The following SET variants were observed in gnomAD, a reference collection of about 807,000 sequenced individuals.
SET encodes the protein SET nuclear proto-oncogene, also known as protein SET.
In SET, 4 loss-of-function variants were observed where a neutral mutation model predicts 39.0. The ratio of observed to expected loss-of-function variants is 0.10; its 90% CI spans 0.05 to 0.23. The LOEUF (loss-of-function observed/expected upper bound fraction) is 0.23. Ranked by LOEUF, SET falls within the 10% of genes least tolerant of loss-of-function variation. SET has a pLI of 1.00. For missense variants in SET, 137 were observed against 329.7 expected (o/e 0.42, Z 4.53); for synonymous variants, 114 against 115.9 (o/e 0.98, Z 0.11).
At chr9:128,688,629 G>A (rs983747032), upstream of SET, among the ~76,000 whole-genome samples, 10 of 152,200 alleles carry the variant, frequency 6.6e-5, no homozygotes, top group Non-Finnish European at 1.2e-4. Context: ...AGAGAGGAAG[G>A]GTGACTTGCT....
In SET at chr9:128,694,120, A is replaced by ATG. The variant is rs1291368401; in HGVS notation, c.810+79_810+80insGT. On this transcript the variant is annotated intron_variant, in intron 7 of 7. Transcript: ENST00000322030. ...TATTTTGGGGTGTATATATATATATATAGTGTGGTAGAACTGACCAGAACT... is the reference window on the plus strand; with the variant it reads ...TATTTTGGGGTGTATATATATATATATGTAGTGTGGTAGAACTGACCAGAACT... 3.1e-6 allele frequency: 4 copies of ATG among 1,304,384 alleles called. No homozygotes were observed. In the East Asian group the frequency reaches 7.6e-5, roughly 25 times the overall value. The allele number at this position is 1,304,384 out of a possible 1,614,324, so 80.8% of individuals were successfully genotyped here.
At chr9:128,686,543 C>G (rs962238466), upstream of SET, among the ~76,000 whole-genome samples, 54 of 151,982 alleles carry the variant, frequency 3.6e-4, no homozygotes, top group African/African-American at 1.2e-3. Context: ...AGGAGCGGGT[C>G]GTGAAATCAA....
upstream of SET, among the ~76,000 whole-genome samples, chr9:128,685,885 G>A (rs1406751249): frequency 6.6e-6 from 1 of 152,204 alleles, no homozygotes; most frequent in African/African-American, 2.4e-5. Context: ...CAGTTAGCCA[G>A]GCGTGACGAT....
chr9:128,690,173 C>T (rs910330531), intron 1 of SET: 4 of 160,878 alleles, frequency 2.5e-5, no homozygotes, highest in Non-Finnish European at 5.2e-5. Context: ...GCGCGGGGAA[C>T]ACGCGGGCGG....
Position 128,689,601 on chromosome 9 carries a change from A to G in SET, c.19A>G (p.Lys7Glu). MSAPAA[K>E]VSKKELNSNH... ...CAGCACCATGTCGGCGCCGGCGGCC[A>G]AAGTCAGTAAAAAGGAGCTCAACTC... is the stretch of plus-strand genomic sequence containing the variant. The change falls in exon 1 of 8, where the codon AAA (lysine) becomes GAA (glutamate). Residue 7 changes from lysine to glutamate, a missense_variant. Coordinates refer to ENST00000322030, the MANE Select transcript of SET (RefSeq NM_003011.4). 7.4e-7 allele frequency: 1 copy of G among 1,359,790 alleles called. No homozygotes were observed. The highest frequency in any genetic ancestry group is 9.6e-7 in the Non-Finnish European group (1 of 1,037,626). 84.2% of individuals were successfully genotyped at this position (1,359,790 alleles called of 1,614,324 possible).
chr9:128,686,140 C>T (rs78727050), upstream of SET, among the ~76,000 whole-genome samples: 6,628 of 152,066 alleles, frequency 0.044, 239 homozygotes, highest in East Asian at 0.16. Flanking sequence ...GTGTTGGAGA[C>T]GGGGAGAGAG....
At position 128,690,041 on chromosome 9, in the gene SET, G is replaced by C. The variant is rs1033802563; in HGVS notation, c.73+386G>C. On this transcript the variant is annotated intron_variant, in intron 1 of 7. Coordinates refer to ENST00000322030, the MANE Select transcript of SET (RefSeq NM_003011.4). ...GCCGCCACATGGTGCGGCCGGACGC[G>C]GCCCCGCGCCCGACCTCCCGCGCGG... The C allele has an allele frequency of 1.5e-5, 15 of 1,008,430 alleles. No individual in the cohort carries two copies. In the African/African-American group the frequency reaches 2.3e-4, roughly 15 times the overall value. 62.5% of individuals were successfully genotyped at this position (1,008,430 alleles called of 1,614,324 possible).
At chr9:128,686,095 G>A (rs1414402584), upstream of SET, among the ~76,000 whole-genome samples, 3 of 152,036 alleles carry the variant, frequency 2.0e-5, no homozygotes, top group Non-Finnish European at 4.4e-5. Flanking sequence ...TCTGAGTGAG[G>A]GGAGAGGCCA....
chr9:128,694,554 A>G (rs765708827), intron 7 of SET, 87 bp from the exon 8 acceptor site: 11 of 818,454 alleles, frequency 1.3e-5, no homozygotes, highest in East Asian at 2.7e-5. Flanking sequence ...GAGTGCCCCC[A>G]GGGGCACTCG....
At chr9:128,691,089 C>T (rs41275906) in intron 1 of SET, 81 bp from the exon 2 acceptor site, 11,946 of 1,121,722 alleles carry the variant, frequency 0.011, 104 homozygotes, top group Non-Finnish European at 0.012. Flanking sequence ...GTTTTAATGG[C>T]TTTTGGAATA....
chr9:128,684,582 C>T (rs1861226054), upstream of SET, among the ~76,000 whole-genome samples: 1 of 152,030 alleles, frequency 6.6e-6, no homozygotes, highest in Admixed American at 6.6e-5. Flanking sequence ...CTTCTCTGGC[C>T]CGCCAACCCG....
upstream of SET, among the ~76,000 whole-genome samples, chr9:128,686,217 C>G (rs1861281094): frequency 6.6e-6 from 1 of 152,078 alleles, no homozygotes; most frequent in Non-Finnish European, 1.5e-5. Flanking sequence ...TACTCACACC[C>G]CTGGCCCTTT....
intron 5 of SET, among the ~76,000 whole-genome samples, chr9:128,693,241 AAG>A (rs551675659): frequency 7.9e-5 from 12 of 152,228 alleles, no homozygotes; most frequent in Admixed American, 4.6e-4. Context: ...AACAAAAAAA[AAG>A]AGAAAAATCT....
rs1375568638 is a variant in SET, at chr9:128,693,824, C to A, written c.663+16C>A. 3.1e-6 allele frequency: 5 copies of A among 1,607,720 alleles called. No homozygotes were observed. In the African/African-American group the frequency reaches 5.4e-5, roughly 17 times the overall value. On this transcript the variant is annotated intron_variant, in intron 6 of 7. Coordinates refer to ENST00000322030, the MANE Select transcript of SET (RefSeq NM_003011.4). ...GTACTACTTGGTGAGTTCTAATACT[C>A]ATTTATTCAAGGTTGGACTTGTCTC...
chr9:128,692,253 G>A (rs1564360562), intron 3 of SET: 7 of 378,192 alleles, frequency 1.9e-5, no homozygotes. Context: ...AGCTGGGCGT[G>A]GTGGCGCGCG....
chr9:128,686,076 G>A (rs1245090415), upstream of SET, among the ~76,000 whole-genome samples: 2 of 151,882 alleles, frequency 1.3e-5, no homozygotes, highest in African/African-American at 4.8e-5. Flanking sequence ...AGAGAGGCAA[G>A]GGAGGAATTC....
intron 1 of SET, chr9:128,690,301 G>GT (rs1396757286): frequency 6.5e-6 from 1 of 152,878 alleles, no homozygotes; most frequent in Admixed American, 6.5e-5. Context: ...CGCGACCAGT[G>GT]TATCGGGGGT....
chr9:128,689,054 G>C (rs1861390135), upstream of SET, among the ~76,000 whole-genome samples: 1 of 150,296 alleles, frequency 6.7e-6, no homozygotes, highest in South Asian at 2.1e-4. Context: ...GGGGGCGGCC[G>C]TGCGTCGCCG....
chr9:128,685,363 G>A (rs779885057), upstream of SET: 33 of 670,538 alleles, frequency 4.9e-5, no homozygotes, highest in Admixed American at 1.3e-4. Flanking sequence ...GCATTTGTGC[G>A]CAGCAAAATG....
Sources: allele counts gnomAD v4.1 joint callset (sites outside exome capture counted in the v4.1 genomes callset), GRCh38; gene constraint gnomAD v4.1.1; transcripts MANE v1.5; gene names NCBI Gene and HGNC (gene_info 2026-07-23, HGNC 2026-07-21).